Variants in DLG2 observed in about 807,000 individuals in gnomAD.
The protein encoded by DLG2 is discs large MAGUK scaffold protein 2.
DLG2 carries 45 observed loss-of-function variants against 132.5 expected under a neutral mutation model. The observed-to-expected ratio is 0.34, with a 90% CI of 0.27 to 0.44. The LOEUF (loss-of-function observed/expected upper bound fraction) is 0.44. DLG2 is among the 20% of genes least tolerant of loss of function. The probability of loss-of-function intolerance (pLI) is 1.00; values close to 1 mark genes in which losing one functional copy is unlikely to be tolerated. For synonymous variants in DLG2, 424 were observed against 419.6 expected (o/e 1.01, Z -0.13); for missense variants, 1,045 against 1,196.9 (o/e 0.87, Z 1.87).
chr11:85,146,146 A>G (rs1231481657), intron 5 of DLG2, among the ~76,000 whole-genome samples: 1 of 151,660 alleles, frequency 6.6e-6, no homozygotes, highest in African/African-American at 2.4e-5. Flanking sequence ...AATTCCCTGG[A>G]TTACTGGGCA....
At chr11:85,514,171 T>C (rs1477439830) in intron 3 of DLG2, among the ~76,000 whole-genome samples, 1 of 151,994 alleles carries the variant, frequency 6.6e-6, no homozygotes. Flanking sequence ...TTAGGCACTG[T>C]GCCAGATGCA....
rs150112544 is a variant in DLG2, at chr11:85,333,376, T to A, written c.41-48011A>T. The stretch of plus-strand genomic sequence containing the variant: ...AGGGTTGTCTGGGTATAAAATCATA[T>A]CATCTGTGAAAAGAGATAGTTCAAC... On this transcript the variant is annotated intron_variant, in intron 3 of 27. Coordinates refer to ENST00000376104, the MANE Select transcript of DLG2 (RefSeq NM_001142699.3). Among the ~76,000 whole-genome samples, 233 of 152,312 alleles carry A rather than the reference T, an allele frequency of 1.5e-3. 5 individuals are homozygous for A. The highest frequency in any genetic ancestry group is 0.014 in the Admixed American group (217 of 15,288).
rs2135898637 is a variant in DLG2, at chr11:83,458,144, A to G, written c.*1674T>C. ...TGCCAGGTCTGGATGTACCCCAGAAATAAGGCGATGGGGCTTAGTCTGGGC... is the reference window on the plus strand; with the variant it reads ...TGCCAGGTCTGGATGTACCCCAGAAGTAAGGCGATGGGGCTTAGTCTGGGC... On this transcript the variant is annotated 3_prime_UTR_variant, in exon 28 of 28. Transcript: ENST00000376104. 6.5e-6 allele frequency: 1 copy of G among 152,718 alleles called. No individual in the cohort carries two copies. The highest frequency in any genetic ancestry group is 1.9e-4 in the East Asian group (1 of 5,176). The allele number at this position is 152,718 out of a possible 1,614,324, so 9.5% of individuals were successfully genotyped here. A position where few individuals can be genotyped will look rare whatever the true frequency, so the allele number is the denominator to read the frequency against.
chr11:83,568,887 A>G (rs1179983403), intron 19 of DLG2, among the ~76,000 whole-genome samples: 1 of 151,884 alleles, frequency 6.6e-6, no homozygotes, highest in African/African-American at 2.4e-5. Context: ...ACCTATCCAC[A>G]GTGCTGCGCT....
chr11:85,272,065 T>C (rs567111587), intron 4 of DLG2, among the ~76,000 whole-genome samples: 2 of 152,314 alleles, frequency 1.3e-5, no homozygotes, highest in Non-Finnish European at 2.9e-5. Context: ...GTTCCCATAA[T>C]TCCCATGTGT....
intron 8 of DLG2, among the ~76,000 whole-genome samples, chr11:84,215,689 T>C (rs1372161572): frequency 6.6e-6 from 1 of 152,090 alleles, no homozygotes; most frequent in Non-Finnish European, 1.5e-5. Context: ...ATGATACCTA[T>C]AGAGGGTCCA....
chr11:84,886,313 T>G (rs1029477760), intron 6 of DLG2, among the ~76,000 whole-genome samples: 6 of 152,162 alleles, frequency 3.9e-5, no homozygotes, highest in Non-Finnish European at 7.4e-5. Flanking sequence ...AGACATATGC[T>G]TATTGATTAT....
intron 11 of DLG2, among the ~76,000 whole-genome samples, chr11:84,037,548 C>G (rs1246977818): frequency 6.6e-6 from 1 of 152,022 alleles, no homozygotes; most frequent in Non-Finnish European, 1.5e-5. Flanking sequence ...CAAGACAGTT[C>G]TGATTAAAGG....
rs555871608 is a variant in DLG2, at chr11:85,246,586, A to C, written c.186+38634T>G. Among the ~76,000 whole-genome samples, 4 of 151,276 alleles carry C rather than the reference A, an allele frequency of 2.6e-5. No homozygotes were observed. In the Admixed American group the frequency reaches 2.6e-4, roughly 10 times the overall value. ...CACACACACAAGTAAATATATAAAT[A>C]ATCCAACTACTAGATAAAATAAGGA... On this transcript the variant is annotated intron_variant, in intron 4 of 27. Transcript: ENST00000376104.
At chr11:83,625,021 C>G (rs182439754) in intron 19 of DLG2, among the ~76,000 whole-genome samples, 30 of 152,286 alleles carry the variant, frequency 2.0e-4, no homozygotes, top group Middle Eastern at 3.4e-3. Flanking sequence ...ATTTCCTATT[C>G]TGCTGCAACA....
At chr11:84,119,497 T>C (rs967187903) in intron 9 of DLG2, among the ~76,000 whole-genome samples, 4 of 151,694 alleles carry the variant, frequency 2.6e-5, no homozygotes, top group Admixed American at 6.6e-5. Context: ...AATATATTCA[T>C]ACACACACAT....
chr11:84,701,135 C>A (rs114986404), intron 6 of DLG2, among the ~76,000 whole-genome samples: 1 of 151,640 alleles, frequency 6.6e-6, no homozygotes, highest in Non-Finnish European at 1.5e-5. Flanking sequence ...TTGACTTAGA[C>A]TTTTTCTCCT....
chr11:85,476,419 T>A (rs1055613914), intron 3 of DLG2, among the ~76,000 whole-genome samples: 2 of 152,124 alleles, frequency 1.3e-5, no homozygotes, highest in African/African-American at 2.4e-5. Flanking sequence ...TACGCTACAT[T>A]AAATTTATTT....
chr11:84,748,878 G>A (rs756485647), intron 6 of DLG2, among the ~76,000 whole-genome samples: 12 of 152,162 alleles, frequency 7.9e-5, no homozygotes, highest in Non-Finnish European at 1.8e-4. Context: ...CCATTAGCCT[G>A]AAAGACAGAG....
chr11:84,793,595 C>T (rs1453087971), intron 6 of DLG2, among the ~76,000 whole-genome samples: 1 of 152,168 alleles, frequency 6.6e-6, no homozygotes, highest in Non-Finnish European at 1.5e-5. Flanking sequence ...GCATTGGCTG[C>T]ATATATATTC....
chr11:85,131,489 A>G (rs558106851), intron 5 of DLG2, among the ~76,000 whole-genome samples: 2 of 152,266 alleles, frequency 1.3e-5, no homozygotes, highest in East Asian at 3.9e-4. Flanking sequence ...AGGACATACA[A>G]TTTCCTACTT....
At chr11:84,838,631 A>T (rs779769143) in intron 6 of DLG2, among the ~76,000 whole-genome samples, 12 of 151,986 alleles carry the variant, frequency 7.9e-5, no homozygotes, top group Non-Finnish European at 1.5e-4. Flanking sequence ...GGAAATGTAT[A>T]TAAGAATGTT....
intron 5 of DLG2, among the ~76,000 whole-genome samples, chr11:85,137,578 T>C (rs1484696730): frequency 6.6e-6 from 1 of 152,134 alleles, no homozygotes; most frequent in African/African-American, 2.4e-5. Context: ...AGATGAACTA[T>C]AAACAACCTG....
chr11:84,547,717 C>G (rs79001636), intron 6 of DLG2, among the ~76,000 whole-genome samples: 1 of 152,118 alleles, frequency 6.6e-6, no homozygotes, highest in Non-Finnish European at 1.5e-5. Context: ...GAGAATCCCT[C>G]TTTTTTCTCA....
Sources: gnomAD v4.1 joint callset for allele counts (sites outside exome capture counted in the v4.1 genomes callset) on GRCh38, gnomAD v4.1.1 for gene constraint, MANE v1.5 for transcripts, NCBI Gene and HGNC (gene_info 2026-07-23, HGNC 2026-07-21) for gene names.